The following AGBL4 variants were observed in gnomAD, a reference collection of about 807,000 sequenced individuals.
AGBL4 encodes cytosolic carboxypeptidase 6.
Under a neutral mutation model 66.4 loss-of-function variants are expected in AGBL4, and 58 were observed. The ratio of observed to expected loss-of-function variants is 0.87; its 90% CI spans 0.71 to 1.09. The LOEUF is 1.09. Ranked by LOEUF, AGBL4 falls within the 50% of genes least tolerant of loss-of-function variation. The pLI is 0.00. For synonymous variants in AGBL4, 234 were observed against 222.9 expected, an observed-to-expected ratio of 1.05 and a Z score of -0.44; for missense variants, 579 against 631.0, an observed-to-expected ratio of 0.92 and a Z score of 0.88.
chr1:49,554,210 AGTCCATG>A (rs1323961246), intron 3 of AGBL4, among the ~76,000 whole-genome samples: 1 of 152,180 alleles, frequency 6.6e-6, no homozygotes, highest in African/African-American at 2.4e-5. Context: ...CAAACTACAA[AGTCCATG>A]GTCTTTCTAA....
At chr1:49,400,356 G>A (rs1645058473) in intron 3 of AGBL4, among the ~76,000 whole-genome samples, 1 of 151,476 alleles carries the variant, frequency 6.6e-6, no homozygotes, top group Non-Finnish European at 1.5e-5. Flanking sequence ...GATGGCTTTG[G>A]CTATTCTGGG....
At chr1:48,634,167 T>G (rs1430085823) in intron 9 of AGBL4, 1 of 171,578 alleles carries the variant, frequency 5.8e-6, no homozygotes, top group Non-Finnish European at 1.2e-5. Context: ...TTCTAATAAA[T>G]TCTCTATTTT....
chr1:49,406,196 C>A (rs1456581491), intron 3 of AGBL4, among the ~76,000 whole-genome samples: 2 of 152,150 alleles, frequency 1.3e-5, no homozygotes, highest in Non-Finnish European at 2.9e-5. Flanking sequence ...TTGTTGTGAG[C>A]AGACTGCCCT....
chr1:49,948,058 A>G (rs1361074158), intron 1 of AGBL4, among the ~76,000 whole-genome samples: 1 of 92,310 alleles, frequency 1.1e-5, no homozygotes, highest in Non-Finnish European at 1.9e-5. Flanking sequence ...ATAAATATAT[A>G]TATGTAAATA....
chr1:49,015,370 C>A (rs1042945567), intron 5 of AGBL4, among the ~76,000 whole-genome samples: 8 of 151,568 alleles, frequency 5.3e-5, no homozygotes, highest in Admixed American at 4.6e-4. Context: ...TAAATCTAAT[C>A]TCATTCAAGA....
intron 4 of AGBL4, among the ~76,000 whole-genome samples, chr1:49,234,183 T>C (rs1395544967): frequency 6.6e-6 from 1 of 152,200 alleles, no homozygotes; most frequent in Non-Finnish European, 1.5e-5. Context: ...AATATTACAG[T>C]TGGCCTACCC....
At chr1:49,540,385 G>A (rs1651915286) in intron 3 of AGBL4, among the ~76,000 whole-genome samples, 1 of 152,132 alleles carries the variant, frequency 6.6e-6, no homozygotes, top group Admixed American at 6.5e-5. Flanking sequence ...ACTCCTCTGT[G>A]AGGTAGCACC....
At chr1:48,667,014 A>G (rs1368891415) in intron 6 of AGBL4, among the ~76,000 whole-genome samples, 1 of 152,226 alleles carries the variant, frequency 6.6e-6, no homozygotes. Context: ...TGGGAGCCAG[A>G]ATTAAACACA....
chr1:49,013,391 C>T (rs1662592930), intron 5 of AGBL4, among the ~76,000 whole-genome samples: 1 of 152,108 alleles, frequency 6.6e-6, no homozygotes, highest in South Asian at 2.1e-4. Context: ...AAGCTGGTTG[C>T]AGCAGAAGCA....
intron 2 of AGBL4, among the ~76,000 whole-genome samples, chr1:49,792,236 T>C (rs1644618843): frequency 6.6e-6 from 1 of 152,026 alleles, no homozygotes; most frequent in Admixed American, 6.6e-5. Context: ...TATAGATTTA[T>C]TAGAATTTTA....
intron 2 of AGBL4, among the ~76,000 whole-genome samples, chr1:49,839,686 G>A (rs1029770343): frequency 2.0e-5 from 3 of 152,188 alleles, no homozygotes; most frequent in Admixed American, 2.0e-4. Context: ...TGTTGTACAA[G>A]TCCAAGGGGA....
chr1:49,945,708 T>G (rs1655143657), intron 1 of AGBL4, among the ~76,000 whole-genome samples: 1 of 152,074 alleles, frequency 6.6e-6, no homozygotes, highest in African/African-American at 2.4e-5. Context: ...TACAACCTCA[T>G]ATCTCAATAC....
At chr1:49,386,859 C>T (rs962058055) in intron 3 of AGBL4, among the ~76,000 whole-genome samples, 35 of 151,820 alleles carry the variant, frequency 2.3e-4, no homozygotes, top group African/African-American at 8.0e-4. Context: ...AGCTGTGAGA[C>T]CTTGGGCAAG....
intron 2 of AGBL4, among the ~76,000 whole-genome samples, chr1:49,818,108 C>T (rs1320273051): frequency 6.6e-6 from 1 of 152,080 alleles, no homozygotes; most frequent in Non-Finnish European, 1.5e-5. Context: ...TTGATCCACA[C>T]TAGCAGCCAG....
chr1:50,018,957 T>A (rs1280012785), intron 1 of AGBL4, among the ~76,000 whole-genome samples: 2 of 152,034 alleles, frequency 1.3e-5, no homozygotes, highest in Non-Finnish European at 2.9e-5. Context: ...TCACCAAATA[T>A]CTAACTTTAG....
chr1:50,023,834 C>T lies in AGBL4; in HGVS notation c.-38G>A, dbSNP rs746725071. ...TCAGTCTCCGAGCTCACGCGAAGACCGCGGGGCAGTAGGGAGCGGGTGGTG... is the reference window on the plus strand; with the variant it reads ...TCAGTCTCCGAGCTCACGCGAAGACTGCGGGGCAGTAGGGAGCGGGTGGTG... On this transcript the variant is annotated 5_prime_UTR_variant, in exon 1 of 14. Coordinates refer to ENST00000371839, the MANE Select transcript of AGBL4 (RefSeq NM_032785.4). The T allele has an allele frequency of 1.1e-4, 169 of 1,545,128 alleles. No individual in the cohort carries two copies. Among genetic ancestry groups the T allele is most frequent in the Non-Finnish European group, 1.4e-4 (162 of 1,144,248 alleles).
At chr1:49,768,045 C>T (rs1176680539) in intron 2 of AGBL4, among the ~76,000 whole-genome samples, 2 of 150,874 alleles carry the variant, frequency 1.3e-5, no homozygotes, top group African/African-American at 2.4e-5. Flanking sequence ...CCCTGTCAAC[C>T]AAAATGAGCC....
rs147598048 is a variant in AGBL4 at position 48,737,664 on chromosome 1, C to T, written c.635-74423G>A. On this transcript the variant is annotated intron_variant, in intron 6 of 13. Transcript: ENST00000371839. Reference sequence around the variant, plus strand: ...GTTTCAGTGCAGAGCCAATAAGACCCAGAATGTTCCAGCAATAAGCTATAA... The same window carrying T: ...GTTTCAGTGCAGAGCCAATAAGACCTAGAATGTTCCAGCAATAAGCTATAA... Among the ~76,000 whole-genome samples, 804 of 152,276 alleles carry T rather than the reference C, an allele frequency of 5.3e-3. 9 individuals are homozygous for T. Among genetic ancestry groups the T allele is most frequent in the African/African-American group, 0.016 (680 of 41,560 alleles).
At position 49,108,610 on chromosome 1, in the gene AGBL4, G is replaced by C. The variant is rs529780628; in HGVS notation, c.378-62810C>G. 3.4e-4 allele frequency among the ~76,000 whole-genome samples: 52 copies of C among 152,284 alleles called. 2 individuals are homozygous for C. The South Asian group carries it at 0.01, about 30-fold the overall frequency. ...CATCAGAGTGAGCAAAGCATGCTGG[G>C]AGGCCTCATCTCTTTGCACTGTCAG... is the stretch of plus-strand genomic sequence containing the variant. On this transcript the variant is annotated intron_variant, in intron 4 of 13. Coordinates refer to ENST00000371839, the MANE Select transcript of AGBL4 (RefSeq NM_032785.4).
Sources: gnomAD v4.1 joint callset for allele counts (sites outside exome capture counted in the v4.1 genomes callset) on GRCh38, gnomAD v4.1.1 for gene constraint, MANE v1.5 for transcripts, NCBI Gene and HGNC (gene_info 2026-07-23, HGNC 2026-07-21) for gene names.